Variants in SBK1 observed in about 807,000 individuals in gnomAD.
SBK1 encodes the protein SH3 domain binding kinase 1, also known as serine/threonine-protein kinase SBK1.
A neutral mutation model predicts 24.4 loss-of-function variants in SBK1; 11 were observed. The ratio of observed to expected loss-of-function variants is 0.45; its 90% CI spans 0.28 to 0.75. SBK1 has a LOEUF of 0.75. SBK1 is among the 30% of genes least tolerant of loss of function. The probability of loss-of-function intolerance (pLI) is 0.12; values close to 1 mark genes in which losing one functional copy is unlikely to be tolerated. For synonymous variants in SBK1, 308 were observed against 284.4 expected (o/e 1.08, Z -0.83); for missense variants, 467 against 620.5 (o/e 0.75, Z 2.63).
At chr16:28,280,133 A>ATG (rs1278069078) in intron 1 of SBK1, among the ~76,000 whole-genome samples, 2 of 60,638 alleles carry the variant, frequency 3.3e-5, no homozygotes, top group Non-Finnish European at 8.2e-5. Flanking sequence ...ATATATATAT[A>ATG]TATATATATA....
At chr16:28,313,200 T>C (rs1414263442) in intron 1 of SBK1, among the ~76,000 whole-genome samples, 1 of 151,910 alleles carries the variant, frequency 6.6e-6, no homozygotes, top group African/African-American at 2.4e-5. Flanking sequence ...GAGGCTGAGG[T>C]GGGAGGATTG....
Position 28,300,938 on chromosome 16 carries a change from C to T in SBK1, c.-8+7638C>T, listed in dbSNP as rs1021272862. On this transcript the variant is annotated intron_variant, in intron 1 of 3. Coordinates refer to ENST00000341901, the MANE Select transcript of SBK1 (RefSeq NM_001024401.3). ...AGGCTGGGCTGTCTTCAGTCCATCC[C>T]GGTGTAGGAGCTCAGGGAGGCAAAG... Among the ~76,000 whole-genome samples, 4 of 152,310 alleles carry T rather than the reference C, an allele frequency of 2.6e-5. No homozygotes were observed. The South Asian group carries it at 6.2e-4, about 24-fold the overall frequency.
Position 28,320,075 on chromosome 16 carries a change from G to T in SBK1, c.430-1G>T. On this transcript the variant is annotated splice_acceptor_variant, in intron 3 of 3. Transcript: ENST00000341901. LOFTEE classifies it high-confidence loss of function. The surrounding 1 kb of genome is among the most constrained non-coding windows in gnomAD (Gnocchi z 8.5). Reference sequence around the variant, plus strand: ...GCGCGGCTTCCCCCGGCCGCCCGCAGGTGGGGCTCCCTGAGGACACGGTGA... The same window carrying T: ...GCGCGGCTTCCCCCGGCCGCCCGCATGTGGGGCTCCCTGAGGACACGGTGA... The T allele has an allele frequency of 6.7e-7, 1 of 1,492,696 alleles. No homozygotes were observed. The highest frequency in any genetic ancestry group is 8.9e-7 in the Non-Finnish European group (1 of 1,127,616). 92.5% of individuals were successfully genotyped at this position (1,492,696 alleles called of 1,614,324 possible).
upstream of SBK1, among the ~76,000 whole-genome samples, chr16:28,288,927 G>T (rs955769032): frequency 3.3e-5 from 5 of 152,306 alleles, no homozygotes; most frequent in Admixed American, 3.3e-4. Context: ...GAACTGAGAG[G>T]GAGTCGGGAG....
chr16:28,315,504 T>C (rs2044788461), intron 1 of SBK1, among the ~76,000 whole-genome samples: 1 of 152,184 alleles, frequency 6.6e-6, no homozygotes, highest in Admixed American at 6.5e-5. Context: ...GCTCACGCTG[T>C]AGTCCCAGCA....
intron 2 of SBK1, 101 bp from the exon 3 acceptor site, chr16:28,318,893 TG>T: frequency 1.2e-6 from 1 of 843,400 alleles, no homozygotes; most frequent in Non-Finnish European, 2.1e-6. Flanking sequence ...TCATGCCTGC[TG>T]GGGACCCTGT....
At chr16:28,291,533 G>T (rs1349192102), upstream of SBK1, 2 of 150,076 alleles carry the variant, frequency 1.3e-5, no homozygotes, top group East Asian at 3.9e-4. Context: ...GAATGAAAAA[G>T]AAATGCTTTT....
intron 1 of SBK1, among the ~76,000 whole-genome samples, chr16:28,272,988 T>C (rs980727970): frequency 1.3e-5 from 2 of 152,112 alleles, no homozygotes; most frequent in Non-Finnish European, 2.9e-5. Flanking sequence ...ATTTTTTTCA[T>C]CCATTCAACC....
At chr16:28,287,959 T>C (rs1048732236), upstream of SBK1, among the ~76,000 whole-genome samples, 5 of 152,202 alleles carry the variant, frequency 3.3e-5, no homozygotes, top group Admixed American at 6.5e-5. Context: ...TTCAGATGTG[T>C]TGTGTTGGTT....
At chr16:28,309,059 C>T (rs2044736692) in intron 1 of SBK1, among the ~76,000 whole-genome samples, 1 of 152,102 alleles carries the variant, frequency 6.6e-6, no homozygotes, top group Non-Finnish European at 1.5e-5. Flanking sequence ...CGAAGTTTCC[C>T]AGTGGCTCCC....
chr16:28,266,098 G>A (rs1166247478), intron 1 of SBK1, among the ~76,000 whole-genome samples: 1 of 152,168 alleles, frequency 6.6e-6, no homozygotes, highest in Non-Finnish European at 1.5e-5. Flanking sequence ...GTGAGGCTGA[G>A]TGCAGTGGCT....
At position 28,276,304 on chromosome 16, in the gene SBK1, G is replaced by A. The variant is rs563917949; in HGVS notation, c.257+16802G>A. 3.3e-5 allele frequency among the ~76,000 whole-genome samples: 5 copies of A among 152,284 alleles called. No individual in the cohort carries two copies. In the East Asian group the frequency reaches 9.7e-4, roughly 29 times the overall value. On this transcript the variant is annotated intron_variant, in intron 1 of 3. Transcript: ENST00000671413. The stretch of plus-strand genomic sequence containing the variant: ...CACCAAGACCCCTAGGAGACTCACA[G>A]GCGAATTACAGTTTCAGAAGCTGCT...
intron 1 of SBK1, among the ~76,000 whole-genome samples, chr16:28,268,717 C>T (rs12922840): frequency 0.58 from 87,872 of 151,538 alleles, 26,607 homozygotes; most frequent in East Asian, 0.81. Context: ...GAGCCGAGAT[C>T]GCACCACTGC....
rs2044745196 is a variant in SBK1 at position 28,310,254 on chromosome 16, G to A, written c.-7-7131G>A. ...AGTGTGGGTGGATGCGGCGCTGACA[G>A]CCCGGCGTGAACAGAGGTCAGAGAG... On this transcript the variant is annotated intron_variant, in intron 1 of 3. Coordinates refer to ENST00000341901, the MANE Select transcript of SBK1 (RefSeq NM_001024401.3). Among the ~76,000 whole-genome samples the A allele has an allele frequency of 1.3e-5, 2 of 152,246 alleles. 1 individual carries two copies. The highest frequency in any genetic ancestry group is 4.1e-4 in the South Asian group (2 of 4,834).
At chr16:28,316,313 A>G (rs890426069) in intron 1 of SBK1, among the ~76,000 whole-genome samples, 1 of 152,026 alleles carries the variant, frequency 6.6e-6, no homozygotes, top group African/African-American at 2.4e-5. Flanking sequence ...CAGCCATACC[A>G]CTTTCGATCG....
intron 1 of SBK1, among the ~76,000 whole-genome samples, chr16:28,263,120 A>G (rs1005003895): frequency 3.3e-5 from 5 of 152,240 alleles, no homozygotes; most frequent in Admixed American, 2.0e-4. Context: ...AAGCTGGGAA[A>G]TATAGTCCCG....
rs112892119 is a variant in SBK1, at chr16:28,261,786, C to T, written c.257+2284C>T. On this transcript the variant is annotated intron_variant, in intron 1 of 3. Transcript: ENST00000671413. ...CTCCAGGTGAACAACGTAAGCAAAC[C>T]AGCATTTGGGAAGCCCCAGAAAGAG... is the stretch of plus-strand genomic sequence containing the variant. Among the ~76,000 whole-genome samples, 554 of 152,272 alleles carry T rather than the reference C, an allele frequency of 3.6e-3. 4 individuals carry two copies. Among genetic ancestry groups the T allele is most frequent in the African/African-American group, 0.013 (524 of 41,544 alleles).
chr16:28,322,719 A>C lies in SBK1; in HGVS notation c.*1798A>C, dbSNP rs112806082. Reference sequence around the variant, plus strand: ...CATGCCAGGTAAGTAGCAAACCCCCACTCCCTCCAAGGACCAGGTCTCAGA... The same window carrying C: ...CATGCCAGGTAAGTAGCAAACCCCCCCTCCCTCCAAGGACCAGGTCTCAGA... On this transcript the variant is annotated 3_prime_UTR_variant, in exon 4 of 4. Transcript: ENST00000341901. 1 of 151,388 alleles carries C rather than the reference A, an allele frequency of 6.6e-6. No homozygotes were observed. Among genetic ancestry groups the C allele is most frequent in the Non-Finnish European group, 1.5e-5 (1 of 67,842 alleles). The allele number at this position is 151,388 out of a possible 1,614,324, so 9.4% of individuals were successfully genotyped here.
At chr16:28,267,990 G>T (rs561169695) in intron 1 of SBK1, among the ~76,000 whole-genome samples, 1 of 152,076 alleles carries the variant, frequency 6.6e-6, no homozygotes, top group Non-Finnish European at 1.5e-5. Flanking sequence ...TCTAAAAAAA[G>T]GTAAAAATTA....
Sources: allele counts gnomAD v4.1 joint callset (sites outside exome capture counted in the v4.1 genomes callset), GRCh38; gene constraint gnomAD v4.1.1; non-coding constraint Gnocchi (gnomAD v3.1); transcripts MANE v1.5; gene names NCBI Gene and HGNC (gene_info 2026-07-23, HGNC 2026-07-21).